The following CAMK4 variants were observed in gnomAD, a reference collection of about 807,000 sequenced individuals.
CAMK4 encodes calcium/calmodulin dependent protein kinase IV.
A neutral mutation model predicts 44.9 loss-of-function variants in CAMK4; 22 were observed. That is an observed-to-expected ratio of 0.49 (90% CI 0.35 to 0.70). The LOEUF is 0.70. Among genes scored for constraint, CAMK4 ranks in the 30% least tolerant of loss-of-function variants. The pLI is 0.01. For synonymous variants in CAMK4, 218 were observed against 215.4 expected, an observed-to-expected ratio of 1.01 and a Z score of -0.11; for missense variants, 498 against 586.8, an observed-to-expected ratio of 0.85 and a Z score of 1.56.
intron 5 of CAMK4, among the ~76,000 whole-genome samples, chr5:111,445,334 T>G (rs746965242): frequency 2.6e-4 from 39 of 152,212 alleles, no homozygotes; most frequent in Non-Finnish European, 1.5e-4. Context: ...AAAATTGTAT[T>G]AATGATATAT....
intron 2 of CAMK4, among the ~76,000 whole-genome samples, chr5:111,363,862 A>G (rs757266499): frequency 1.3e-5 from 2 of 152,140 alleles, no homozygotes; most frequent in Non-Finnish European, 2.9e-5. Flanking sequence ...TGGGACTCCA[A>G]CAAAGGCATT....
intron 1 of CAMK4, among the ~76,000 whole-genome samples, chr5:111,283,275 T>A (rs1361231251): frequency 6.6e-6 from 1 of 152,220 alleles, no homozygotes; most frequent in East Asian, 1.9e-4. Context: ...TTTAGACTTA[T>A]ATGTAGATCT....
intron 7 of CAMK4, among the ~76,000 whole-genome samples, chr5:111,472,385 G>T (rs537862171): frequency 6.6e-6 from 1 of 152,132 alleles, no homozygotes; most frequent in East Asian, 1.9e-4. Flanking sequence ...GGCACCTGCC[G>T]CACTTGTGTT....
At chr5:111,436,054 T>G (rs2112950253) in intron 5 of CAMK4, among the ~76,000 whole-genome samples, 1 of 152,288 alleles carries the variant, frequency 6.6e-6, no homozygotes, top group African/African-American at 2.4e-5. Context: ...GTTCATTTTT[T>G]TGCATAATAT....
chr5:111,447,887 A>G (rs1412871914), intron 6 of CAMK4, among the ~76,000 whole-genome samples: 7 of 152,230 alleles, frequency 4.6e-5, no homozygotes, highest in Admixed American at 3.9e-4. Context: ...AAGGCAGGGG[A>G]CAGCAGGCAG....
At chr5:111,466,870 A>C (rs559037437) in intron 7 of CAMK4, among the ~76,000 whole-genome samples, 83 of 152,336 alleles carry the variant, frequency 5.4e-4, no homozygotes, top group Admixed American at 2.6e-3. Flanking sequence ...GAACCACAAA[A>C]GAGCCTGCAT....
At chr5:111,357,922 G>A (rs185085897) in intron 2 of CAMK4, 31 of 152,130 alleles carry the variant, frequency 2.0e-4, no homozygotes, top group Admixed American at 2.0e-3. Context: ...ATGTATTCTA[G>A]AACTCAGGGC....
chr5:111,254,479 G>A (rs896717886), intron 1 of CAMK4, among the ~76,000 whole-genome samples: 2 of 152,150 alleles, frequency 1.3e-5, no homozygotes, highest in African/African-American at 4.8e-5. Flanking sequence ...CTCATTTAAT[G>A]CCTTCACACT....
intron 1 of CAMK4, among the ~76,000 whole-genome samples, chr5:111,250,257 A>T (rs1316104235): frequency 6.6e-6 from 1 of 152,248 alleles, no homozygotes; most frequent in Non-Finnish European, 1.5e-5. Flanking sequence ...TACATTTCAG[A>T]CAGAGTACAT....
intron 4 of CAMK4, among the ~76,000 whole-genome samples, chr5:111,378,682 G>A (rs73788899): frequency 0.033 from 4,964 of 152,206 alleles, 285 homozygotes; most frequent in African/African-American, 0.11. Context: ...TCAGCTGAAG[G>A]AAGTAAGCAT....
At chr5:111,402,941 A>G (rs988603423) in intron 5 of CAMK4, among the ~76,000 whole-genome samples, 1 of 152,214 alleles carries the variant, frequency 6.6e-6, no homozygotes, top group African/African-American at 2.4e-5. Context: ...CAGTTTCTCA[A>G]TGTTTCGGTT....
chr5:111,383,031 T>C (rs1199920219), intron 4 of CAMK4, among the ~76,000 whole-genome samples: 2 of 152,322 alleles, frequency 1.3e-5, no homozygotes, highest in African/African-American at 2.4e-5. Context: ...TCTAGAAGCT[T>C]GGCCATAAAA....
intron 7 of CAMK4, among the ~76,000 whole-genome samples, chr5:111,466,974 A>G (rs1754858348): frequency 6.6e-6 from 1 of 152,240 alleles, no homozygotes; most frequent in African/African-American, 2.4e-5. Context: ...ACAACATGGT[A>G]CTGGTATAAA....
Position 111,224,651 on chromosome 5 carries a change from C to T in CAMK4, c.161+7C>T, listed in dbSNP as rs750566045. ...TGGAGTCGGAGCTGGGACGGTAAGG[C>T]GCGGGCTCCGGCTGGGGAAGCCCGC... On this transcript the variant is annotated splice_region_variant and intron_variant, in intron 1 of 10. Coordinates refer to ENST00000282356, the MANE Select transcript of CAMK4 (RefSeq NM_001744.6). This position sits in a 1 kb window ranked among gnomAD's most constrained non-coding sequence, Gnocchi z 5.7. 5 of 1,600,588 alleles carry T rather than the reference C, an allele frequency of 3.1e-6. No homozygotes were observed. The highest frequency in any genetic ancestry group is 3.4e-6 in the Non-Finnish European group (4 of 1,174,204).
At chr5:111,377,767 G>T (rs189785858) in intron 4 of CAMK4, among the ~76,000 whole-genome samples, 1 of 152,064 alleles carries the variant, frequency 6.6e-6, no homozygotes, top group Non-Finnish European at 1.5e-5. Context: ...GAAGCCATGC[G>T]TGAATGGAAA....
intron 7 of CAMK4, among the ~76,000 whole-genome samples, chr5:111,465,536 C>A (rs995748771): frequency 6.6e-6 from 1 of 152,090 alleles, no homozygotes; most frequent in Non-Finnish European, 1.5e-5. Flanking sequence ...ACAACCAATA[C>A]CACAGAAATG....
At chr5:111,342,047 A>G (rs1363996674) in intron 1 of CAMK4, among the ~76,000 whole-genome samples, 2 of 151,652 alleles carry the variant, frequency 1.3e-5, no homozygotes, top group East Asian at 3.9e-4. Context: ...GTAAGTCTAT[A>G]AAGTATGTGA....
At chr5:111,469,172 A>AATATATATATAT (rs1229770102) in intron 7 of CAMK4, among the ~76,000 whole-genome samples, 21 of 31,976 alleles carry the variant, frequency 6.6e-4, no homozygotes, top group African/African-American at 1.8e-3. Context: ...AAAAAAAAAA[A>AATATATATATAT]ATATATATAT....
chr5:111,463,286 G>GA (rs1207220006), intron 7 of CAMK4, among the ~76,000 whole-genome samples: 2 of 151,634 alleles, frequency 1.3e-5, no homozygotes, highest in South Asian at 4.2e-4. Context: ...AAATCAGCAA[G>GA]AAAAAAAAGG....
Sources: allele counts gnomAD v4.1 joint callset (sites outside exome capture counted in the v4.1 genomes callset), GRCh38; gene constraint gnomAD v4.1.1; non-coding constraint Gnocchi (gnomAD v3.1); transcripts MANE v1.5; gene names NCBI Gene and HGNC (gene_info 2026-07-23, HGNC 2026-07-21).